Variants in ANKHD1 observed in about 807,000 individuals in gnomAD.
ANKHD1 encodes the protein ankyrin repeat and KH domain containing 1, also known as ankyrin repeat and KH domain-containing protein 1.
A neutral mutation model predicts 230.5 loss-of-function variants in ANKHD1; 31 were observed. That is an observed-to-expected ratio of 0.13 (90% CI 0.10 to 0.18). The LOEUF is 0.18. Among genes scored for constraint, ANKHD1 ranks in the 10% least tolerant of loss-of-function variants. The pLI, the probability that ANKHD1 is intolerant of heterozygous loss-of-function variation, is 1.00. For synonymous variants in ANKHD1, 1,074 were observed against 1,117.6 expected, an observed-to-expected ratio of 0.96 and a Z score of 0.78; for missense variants, 2,256 against 3,071.3, an observed-to-expected ratio of 0.73 and a Z score of 6.27.
intron 10 of ANKHD1, among the ~76,000 whole-genome samples, chr5:140,465,921 A>G (rs1303655361): frequency 3.3e-5 from 5 of 152,188 alleles, no homozygotes; most frequent in African/African-American, 4.8e-5. Flanking sequence ...TGAGTCGTCT[A>G]TAAAAATTAG....
chr5:140,513,230 C>T, intron 23 of ANKHD1, 133 bp from the exon 24 acceptor site: 1 of 886,154 alleles, frequency 1.1e-6, no homozygotes, highest in East Asian at 2.8e-5. Context: ...AGATTGGACT[C>T]AAAGGATAAC....
At chr5:140,502,025 G>C (rs1156312896) in intron 15 of ANKHD1, among the ~76,000 whole-genome samples, 1 of 144,144 alleles carries the variant, frequency 6.9e-6, no homozygotes, top group African/African-American at 2.6e-5. Context: ...AACACATAGA[G>C]ACCCTATCTC....
chr5:140,450,233 T>G (rs1774610731), intron 7 of ANKHD1, among the ~76,000 whole-genome samples: 1 of 152,198 alleles, frequency 6.6e-6, no homozygotes, highest in Non-Finnish European at 1.5e-5. Context: ...TGTTGACTAT[T>G]GCTGTTTAGC....
Position 140,513,427 on chromosome 5 carries a change from C to A in ANKHD1, c.4265C>A (p.Ala1422Glu). ...GTGAAGGCTAAAGACCAGCAAGCTG[C>A]AGAAGCAAATAAGAATGCGAGTATT... The part of the protein sequence containing the change: ...TIVKAKDQQA[A>E]EANKNASILL... The change falls in exon 24 of 34, where the codon GCA (alanine) becomes GAA (glutamate). Residue 1422 changes from alanine (A) to glutamate (E), a missense_variant. Transcript: ENST00000360839. 1 of 1,613,424 alleles carries A rather than the reference C, an allele frequency of 6.2e-7. No individual in the cohort carries two copies. Among genetic ancestry groups the A allele is most frequent in the African/African-American group, 1.3e-5 (1 of 74,994 alleles).
intron 1 of ANKHD1, among the ~76,000 whole-genome samples, chr5:140,410,562 A>T (rs925284727): frequency 6.6e-6 from 1 of 152,106 alleles, no homozygotes; most frequent in African/African-American, 2.4e-5. Context: ...TTTTTTGGCC[A>T]AATTTACTTT....
Position 140,401,862 on chromosome 5 carries a change from G to T in ANKHD1, c.-106G>T. ...AGAAGTTAGTGGCGCTGCTGGGACG[G>T]GGGAAAGGAGACGCTTCTTCCTCTT... On this transcript the variant is annotated 5_prime_UTR_variant, in exon 1 of 34. Coordinates refer to ENST00000360839, the MANE Select transcript of ANKHD1 (RefSeq NM_017747.3). 2.8e-6 allele frequency: 4 copies of T among 1,426,526 alleles called. No individual in the cohort carries two copies. In the South Asian group the frequency reaches 6.1e-5, roughly 22 times the overall value. 88.4% of individuals were successfully genotyped at this position (1,426,526 alleles called of 1,614,324 possible).
chr5:140,456,375 G>T (rs1775192612), intron 7 of ANKHD1, among the ~76,000 whole-genome samples: 1 of 152,086 alleles, frequency 6.6e-6, no homozygotes, highest in South Asian at 2.1e-4. Flanking sequence ...AAGTTCATAT[G>T]GAACCAAAAA....
chr5:140,433,395 C>T (rs1415265556), intron 1 of ANKHD1, among the ~76,000 whole-genome samples: 3 of 152,162 alleles, frequency 2.0e-5, no homozygotes, highest in Non-Finnish European at 2.9e-5. Flanking sequence ...CATTTTCTGC[C>T]TCTATCTGAA....
At chr5:140,537,210 A>G in intron 30 of ANKHD1, 179 bp from the exon 31 acceptor site, 5 of 1,098,912 alleles carry the variant, frequency 4.5e-6, no homozygotes, top group South Asian at 4.1e-5. Flanking sequence ...TTTTATTTGA[A>G]TGTTCTTTTA....
chr5:140,482,602 G>A lies in ANKHD1; in HGVS notation c.1805G>A (p.Arg602Lys). 1 of 1,612,690 alleles carries A rather than the reference G, an allele frequency of 6.2e-7. No homozygotes were observed. Among genetic ancestry groups the A allele is most frequent in the Non-Finnish European group, 8.5e-7 (1 of 1,179,410 alleles). Residue 602 changes from arginine to lysine, a missense_variant, in exon 11 of 34, where the codon AGA becomes AAA. Arg to Lys is a conservative substitution (Grantham distance 26). Coordinates refer to ENST00000360839, the MANE Select transcript of ANKHD1 (RefSeq NM_017747.3). Reference protein sequence around the residue: ...ADLEHESEGGRTPLMKAARAG... With the variant: ...ADLEHESEGGKTPLMKAARAG... Reference sequence around the variant, plus strand: ...CAGGAACATGAATCTGAAGGTGGAAGAACACCTTTGATGAAAGCTGCAAGA... The same window carrying A: ...CAGGAACATGAATCTGAAGGTGGAAAAACACCTTTGATGAAAGCTGCAAGA...
At chr5:140,437,466 G>C (rs1277871029) in intron 2 of ANKHD1, among the ~76,000 whole-genome samples, 1 of 152,252 alleles carries the variant, frequency 6.6e-6, no homozygotes, top group East Asian at 1.9e-4. Context: ...ACTTCGGGAG[G>C]CCGAGGCAGG....
Position 140,524,122 on chromosome 5 carries a change from A to G in ANKHD1, c.4374A>G (p.Glu1458=). The G allele has an allele frequency of 6.3e-7, 1 of 1,594,004 alleles. No homozygotes were observed. The highest frequency in any genetic ancestry group is 8.5e-7 in the Non-Finnish European group (1 of 1,174,290). Residue 1458 remains glutamate (E), a synonymous_variant, in exon 25 of 34, where the codon GAA becomes GAG. Transcript: ENST00000360839. The part of the protein sequence containing the change: ...ALAAKREKRK[E]KRKKKKEEQK... ...CTGCTAAAAGAGAAAAAAGAAAAGA[A>G]AAGAGAAAAAAGAAAAAAGAGGAAC...
Position 140,526,026 on chromosome 5 carries a change from G to A in ANKHD1, c.4523G>A (p.Ser1508Asn). The A allele has an allele frequency of 1.9e-6, 3 of 1,596,862 alleles. No homozygotes were observed. The highest frequency in any genetic ancestry group is 2.6e-6 in the Non-Finnish European group (3 of 1,175,406). Residue 1508 changes from serine to asparagine, a missense_variant, in exon 26 of 34, where the codon AGT becomes AAT. Transcript: ENST00000360839. Reference sequence around the variant, plus strand: ...CAAGAAGTTCCCATAGAACCTCCTAGTGCAACCACCACCACTACGATTGGA... The same window carrying A: ...CAAGAAGTTCCCATAGAACCTCCTAATGCAACCACCACCACTACGATTGGA... Reference protein sequence around the residue: ...VEQEVPIEPPSATTTTTIGIS... With the variant: ...VEQEVPIEPPNATTTTTIGIS...
intron 14 of ANKHD1, among the ~76,000 whole-genome samples, chr5:140,491,664 C>T (rs1042519979): frequency 4.6e-5 from 7 of 152,096 alleles, no homozygotes; most frequent in African/African-American, 1.4e-4. Flanking sequence ...ATCCTGATTG[C>T]CTCTATTTTC....
At chr5:140,454,890 C>CA (rs1162145171) in intron 7 of ANKHD1, among the ~76,000 whole-genome samples, 1 of 151,606 alleles carries the variant, frequency 6.6e-6, no homozygotes, top group Non-Finnish European at 1.5e-5. Flanking sequence ...GATAGAGACA[C>CA]AAAAAAACCC....
At chr5:140,518,013 T>G (rs1423865324) in intron 24 of ANKHD1, among the ~76,000 whole-genome samples, 1 of 148,342 alleles carries the variant, frequency 6.7e-6, no homozygotes, top group East Asian at 1.9e-4. Context: ...GCTGGTTTTT[T>G]GAAAGGATCA....
At chr5:140,437,929 G>A (rs1181642224) in intron 2 of ANKHD1, among the ~76,000 whole-genome samples, 1 of 151,988 alleles carries the variant, frequency 6.6e-6, no homozygotes, top group Admixed American at 6.6e-5. Flanking sequence ...TATAAATGAC[G>A]ATATAAATTC....
In ANKHD1 at chr5:140,486,860, G is replaced by A. The variant is rs887122807; in HGVS notation, c.2143-98G>A. 8 of 1,213,170 alleles carry A rather than the reference G, an allele frequency of 6.6e-6. No individual in the cohort carries two copies. In the South Asian group the frequency reaches 1.4e-4, roughly 21 times the overall value. The allele number at this position is 1,213,170 out of a possible 1,614,324, so 75.2% of individuals were successfully genotyped here. On this transcript the variant is annotated intron_variant, in intron 13 of 33. Coordinates refer to ENST00000360839, the MANE Select transcript of ANKHD1 (RefSeq NM_017747.3). ...TCAGGAAACAAAAGTGCATTTGGTG[G>A]TATATGAAGATAACCTAAAACAGGA... is the stretch of plus-strand genomic sequence containing the variant.
intron 10 of ANKHD1, among the ~76,000 whole-genome samples, chr5:140,476,545 T>C (rs1422166964): frequency 2.6e-5 from 4 of 152,054 alleles, no homozygotes; most frequent in Non-Finnish European, 5.9e-5. Flanking sequence ...TGATGGGAAG[T>C]AATATCCTCA....
Sources: allele counts gnomAD v4.1 joint callset (sites outside exome capture counted in the v4.1 genomes callset), GRCh38; gene constraint gnomAD v4.1.1; transcripts MANE v1.5; gene names NCBI Gene and HGNC (gene_info 2026-07-23, HGNC 2026-07-21).